SLC7A6: variants seen among roughly 807,000 people sequenced by gnomAD.
SLC7A6 encodes solute carrier family 7 member 6, also known as Y+L amino acid transporter 2.
SLC7A6 carries 29 observed loss-of-function variants against 46.6 expected under a neutral mutation model. That is an observed-to-expected ratio of 0.62 (90% CI 0.46 to 0.85). SLC7A6 has a LOEUF of 0.85. Ranked by LOEUF, SLC7A6 falls within the 40% of genes least tolerant of loss-of-function variation. The probability of loss-of-function intolerance (pLI) is 0.00; values close to 1 mark genes in which losing one functional copy is unlikely to be tolerated. For missense variants in SLC7A6, 527 were observed against 647.6 expected, an observed-to-expected ratio of 0.81 and a Z score of 2.02; for synonymous variants, 276 against 257.3, an observed-to-expected ratio of 1.07 and a Z score of -0.70.
intron 4 of SLC7A6, chr16:68,289,983 A>T (rs2043015563): frequency 5.9e-6 from 1 of 170,196 alleles, no homozygotes; most frequent in African/African-American, 2.4e-5. Flanking sequence ...GGGGTTCTTG[A>T]CATAAATAGG....
At position 68,287,890 on chromosome 16, in the gene SLC7A6, G is replaced by C; in HGVS notation, c.649+19G>C. On this transcript the variant is annotated intron_variant, in intron 4 of 10. Transcript: ENST00000219343. The stretch of plus-strand genomic sequence containing the variant: ...TGCCAGGGTAAGTGGTGGGAAGGGG[G>C]GTACCACCAACAGTTCCTCTGGATT... 1 of 1,610,826 alleles carries C rather than the reference G, an allele frequency of 6.2e-7. No homozygotes were observed. Among genetic ancestry groups the C allele is most frequent in the Non-Finnish European group, 8.5e-7 (1 of 1,177,866 alleles).
chr16:68,284,029 C>G (rs1423720655), intron 3 of SLC7A6, among the ~76,000 whole-genome samples: 1 of 152,018 alleles, frequency 6.6e-6, no homozygotes, highest in Non-Finnish European at 1.5e-5. Context: ...TCTCTGTTCT[C>G]TGGCAGGGCT....
chr16:68,271,568 G>T (rs555539043), intron 2 of SLC7A6, among the ~76,000 whole-genome samples: 1 of 152,292 alleles, frequency 6.6e-6, no homozygotes, highest in South Asian at 2.1e-4. Context: ...GCCTCCCAAA[G>T]TGCTGGGATC....
intron 3 of SLC7A6, among the ~76,000 whole-genome samples, chr16:68,278,724 A>G (rs1044204968): frequency 7.9e-5 from 12 of 152,360 alleles, no homozygotes; most frequent in Non-Finnish European, 1.5e-4. Context: ...CTACACAGAC[A>G]TAGCAACAAT....
intron 8 of SLC7A6, 26 bp from the exon 9 acceptor site, chr16:68,296,338 C>A (rs2043165093): frequency 6.2e-7 from 1 of 1,613,184 alleles, no homozygotes; most frequent in African/African-American, 1.3e-5. Flanking sequence ...ACGATGCTCA[C>A]CTGTCTCCCC....
At chr16:68,291,724 A>G in intron 7 of SLC7A6, 63 bp downstream of exon 7, 1 of 1,425,660 alleles carries the variant, frequency 7.0e-7, no homozygotes, top group Non-Finnish European at 9.8e-7. Context: ...GCTTAGGCAT[A>G]AGAGTTCCTT....
Position 68,301,298 on chromosome 16 carries a change from G to T in SLC7A6, c.*3970G>T. 1 of 1,614,010 alleles carries T rather than the reference G, an allele frequency of 6.2e-7. No homozygotes were observed. Among genetic ancestry groups the T allele is most frequent in the Non-Finnish European group, 8.5e-7 (1 of 1,179,928 alleles). ...CATCAGTCTGAATCCAGGTCGTGGG[G>T]GCTGTCATAGCCGAACTCCTTCTGC... is the stretch of plus-strand genomic sequence containing the variant. On this transcript the variant is annotated 3_prime_UTR_variant, in exon 11 of 11. Transcript: ENST00000219343.
chr16:68,301,235 C>G lies in SLC7A6; in HGVS notation c.*3907C>G, dbSNP rs761441585. ...CAGTTAACTCTGGACTCAGAGCCCT[C>G]AAGGGCATGTGGCAGAACCTCATGG... On this transcript the variant is annotated 3_prime_UTR_variant, in exon 11 of 11. Coordinates refer to ENST00000219343, the MANE Select transcript of SLC7A6 (RefSeq NM_003983.6). 2.5e-6 allele frequency: 4 copies of G among 1,601,632 alleles called. No homozygotes were observed. In the Admixed American group the frequency reaches 6.8e-5, roughly 27 times the overall value.
chr16:68,274,491 T>C (rs1213212946), intron 2 of SLC7A6, among the ~76,000 whole-genome samples, 200 bp from the exon 3 acceptor site: 1 of 152,192 alleles, frequency 6.6e-6, no homozygotes, highest in Non-Finnish European at 1.5e-5. Context: ...TGAGCTCTCA[T>C]GGTGTCTTTC....
intron 3 of SLC7A6, among the ~76,000 whole-genome samples, chr16:68,286,358 G>T (rs530620412): frequency 3.9e-4 from 59 of 152,236 alleles, no homozygotes; most frequent in Non-Finnish European, 6.5e-4. Flanking sequence ...AGTGGGGGCT[G>T]AACTAGACCT....
Position 68,301,146 on chromosome 16 carries a change from A to T in SLC7A6, c.*3818A>T. 1.4e-6 allele frequency: 2 copies of T among 1,457,830 alleles called. No individual in the cohort carries two copies. Among genetic ancestry groups the T allele is most frequent in the Non-Finnish European group, 1.8e-6 (2 of 1,101,272 alleles). The allele number at this position is 1,457,830 out of a possible 1,614,324, so 90.3% of individuals were successfully genotyped here. A position where few individuals can be genotyped will look rare whatever the true frequency, so the allele number is the denominator to read the frequency against. On this transcript the variant is annotated 3_prime_UTR_variant, in exon 11 of 11. Coordinates refer to ENST00000219343, the MANE Select transcript of SLC7A6 (RefSeq NM_003983.6). ...CACTGTGGTGGGATGGTGCCGCCCG[A>T]TATGCTTGATATGCTTTTCCTTCCA...
chr16:68,300,060 G>C lies in SLC7A6; in HGVS notation c.*2732G>C, dbSNP rs962374598. 18 of 152,184 alleles carry C rather than the reference G, an allele frequency of 1.2e-4. No individual in the cohort carries two copies. The highest frequency in any genetic ancestry group is 4.3e-4 in the African/African-American group (18 of 41,414). The allele number at this position is 152,184 out of a possible 1,614,324, so 9.4% of individuals were successfully genotyped here. On this transcript the variant is annotated 3_prime_UTR_variant, in exon 11 of 11. Coordinates refer to ENST00000219343, the MANE Select transcript of SLC7A6 (RefSeq NM_003983.6). ...CACCTTCCCCCATGACAGTGAGTAA[G>C]AGACACTCACAGGCTATGAGGGTAC...
At chr16:68,297,171 T>C in intron 10 of SLC7A6, 63 bp from the exon 11 acceptor site, 1 of 1,497,878 alleles carries the variant, frequency 6.7e-7, no homozygotes, top group Admixed American at 1.8e-5. Context: ...TAGTCAGCCT[T>C]GTTCAGGTTA....
In SLC7A6 at chr16:68,296,560, G is replaced by A. The variant is rs748892924; in HGVS notation, c.1269+47G>A. The stretch of plus-strand genomic sequence containing the variant: ...AGGAGGGGTGGGCCATCTCCCTAAG[G>A]TGGCTTCTTGCCCACGAGCTGTTTC... On this transcript the variant is annotated intron_variant, in intron 9 of 10. Transcript: ENST00000219343. The A allele has an allele frequency of 3.1e-6, 5 of 1,613,716 alleles. No homozygotes were observed. The Admixed American group carries it at 5.0e-5, about 16-fold the overall frequency.
chr16:68,294,052 C>T (rs993451800), intron 7 of SLC7A6, among the ~76,000 whole-genome samples: 9 of 152,142 alleles, frequency 5.9e-5, no homozygotes, highest in South Asian at 2.1e-4. Flanking sequence ...CATGTGCTAC[C>T]GCGCCCGGCT....
intron 2 of SLC7A6, among the ~76,000 whole-genome samples, chr16:68,271,374 G>A (rs1266638665): frequency 6.6e-6 from 1 of 152,166 alleles, no homozygotes. Flanking sequence ...GTGTGATCAT[G>A]GCTCACTGCA....
At position 68,300,571 on chromosome 16, in the gene SLC7A6, G is replaced by A. The variant is rs973393245; in HGVS notation, c.*3243G>A. 2 of 961,796 alleles carry A rather than the reference G, an allele frequency of 2.1e-6. No individual in the cohort carries two copies. Among genetic ancestry groups the A allele is most frequent in the South Asian group, 4.8e-5 (1 of 20,626 alleles). The allele number at this position is 961,796 out of a possible 1,614,324, so 59.6% of individuals were successfully genotyped here. A position where few individuals can be genotyped will look rare whatever the true frequency, so the allele number is the denominator to read the frequency against. On this transcript the variant is annotated 3_prime_UTR_variant, in exon 11 of 11. Transcript: ENST00000219343. ...ACCTTCTATTTCACTACCGCTCCCT[G>A]TTTTAGATATTCAGATTTAAAAGGT...
In SLC7A6 at chr16:68,297,974, ACTCTG is replaced by A. The variant is rs2043204212; in HGVS notation, c.*647_*651del. On this transcript the variant is annotated 3_prime_UTR_variant, in exon 11 of 11. Transcript: ENST00000219343. ...AGAAATGTCTGTGGTATTGGGTCAGACTCTGACCACAGGTTTTATGCTGTTTAGCA... is the reference window on the plus strand; with the variant it reads ...AGAAATGTCTGTGGTATTGGGTCAGAACCACAGGTTTTATGCTGTTTAGCA... The A allele has an allele frequency of 1.3e-5, 2 of 152,562 alleles. No homozygotes were observed. The highest frequency in any genetic ancestry group is 4.8e-5 in the African/African-American group (2 of 41,422). The allele number at this position is 152,562 out of a possible 1,614,324, so 9.5% of individuals were successfully genotyped here. A position where few individuals can be genotyped will look rare whatever the true frequency, so the allele number is the denominator to read the frequency against.
Position 68,299,771 on chromosome 16 carries a change from C to A in SLC7A6, c.*2443C>A, listed in dbSNP as rs2043237067. 6.6e-6 allele frequency: 1 copy of A among 152,142 alleles called. No homozygotes were observed. Among genetic ancestry groups the A allele is most frequent in the Admixed American group, 6.5e-5 (1 of 15,278 alleles). The allele number at this position is 152,142 out of a possible 1,614,324, so 9.4% of individuals were successfully genotyped here. ...AGCAAGATGTCTAATATTAGACATA[C>A]AAGTTGCTGCCTGTTATAACGGTGA... is the stretch of plus-strand genomic sequence containing the variant. On this transcript the variant is annotated 3_prime_UTR_variant, in exon 11 of 11. Transcript: ENST00000219343.
Sources: allele counts gnomAD v4.1 joint callset (sites outside exome capture counted in the v4.1 genomes callset), GRCh38; gene constraint gnomAD v4.1.1; transcripts MANE v1.5; gene names NCBI Gene and HGNC (gene_info 2026-07-23, HGNC 2026-07-21).